B4GALT1: variants seen among roughly 807,000 people sequenced by gnomAD.
The protein encoded by B4GALT1 is N-acetyllactosamine synthase.
B4GALT1 carries 16 observed loss-of-function variants against 34.9 expected under a neutral mutation model. That is an observed-to-expected ratio of 0.46 (90% CI 0.31 to 0.70). B4GALT1 has a LOEUF of 0.70. Among genes scored for constraint, B4GALT1 ranks in the 30% least tolerant of loss-of-function variants. B4GALT1 has a pLI of 0.05. For missense variants in B4GALT1, 445 were observed against 530.5 expected (o/e 0.84, Z 1.58); for synonymous variants, 221 against 218.1 (o/e 1.01, Z -0.12).
At chr9:33,148,332 G>C (rs1840458773) in intron 1 of B4GALT1, among the ~76,000 whole-genome samples, 1 of 152,190 alleles carries the variant, frequency 6.6e-6, no homozygotes, top group African/African-American at 2.4e-5. Context: ...GCAAAAAATA[G>C]GAAGCTGGTT....
intron 1 of B4GALT1, among the ~76,000 whole-genome samples, chr9:33,151,216 T>C (rs1840512817): frequency 6.6e-6 from 1 of 152,238 alleles, no homozygotes; most frequent in Non-Finnish European, 1.5e-5. Flanking sequence ...CGGCTTCCCT[T>C]GCAGTGAATT....
intron 1 of B4GALT1, among the ~76,000 whole-genome samples, chr9:33,145,464 C>G (rs2118215385): frequency 6.6e-6 from 1 of 152,266 alleles, no homozygotes; most frequent in South Asian, 2.1e-4. Flanking sequence ...ATGCTCTCGC[C>G]AAGGGTATCA....
At chr9:33,109,679 G>A (rs894728024), downstream of B4GALT1, among the ~76,000 whole-genome samples, 1 of 152,200 alleles carries the variant, frequency 6.6e-6, no homozygotes, top group Non-Finnish European at 1.5e-5. Context: ...CCAACTACTT[G>A]TGACTGGCAT....
At chr9:33,128,851 C>G (rs960581615) in intron 2 of B4GALT1, among the ~76,000 whole-genome samples, 23 of 152,206 alleles carry the variant, frequency 1.5e-4, no homozygotes, top group African/African-American at 5.3e-4. Flanking sequence ...TGATCTTGAC[C>G]TTGTGTAGGA....
intron 1 of B4GALT1, among the ~76,000 whole-genome samples, chr9:33,138,032 T>C (rs895228790): frequency 7.2e-5 from 11 of 152,362 alleles, no homozygotes; most frequent in Admixed American, 7.2e-4. Flanking sequence ...TAACCGCGTT[T>C]TGGGGAACCC....
At chr9:33,181,423 TACAC>T in the B4GALT1 span, among the ~76,000 whole-genome samples, 203 of 137,146 alleles carry the variant, frequency 1.5e-3, no homozygotes, top group Non-Finnish European at 2.1e-3. Context: ...GACCCTGTCT[TACAC>T]ACACACACAC....
chr9:33,141,574 A>G (rs142313755), intron 1 of B4GALT1, among the ~76,000 whole-genome samples: 2 of 152,348 alleles, frequency 1.3e-5, no homozygotes, highest in East Asian at 1.9e-4. Context: ...CAAAGCCAAC[A>G]GTACTGCTAA....
At chr9:33,128,929 G>A (rs367783242) in intron 2 of B4GALT1, among the ~76,000 whole-genome samples, 1 of 152,184 alleles carries the variant, frequency 6.6e-6, no homozygotes, top group Non-Finnish European at 1.5e-5. Context: ...TGCTCACTGA[G>A]GGTACAAAGG....
chr9:33,150,483 TA>T (rs980881843), intron 1 of B4GALT1, among the ~76,000 whole-genome samples: 14 of 151,928 alleles, frequency 9.2e-5, no homozygotes, highest in African/African-American at 3.1e-4. Flanking sequence ...TACATATGTT[TA>T]AAAAAATGTA....
the B4GALT1 span, among the ~76,000 whole-genome samples, chr9:33,184,528 G>A: frequency 2.6e-5 from 4 of 152,196 alleles, no homozygotes; most frequent in African/African-American, 9.7e-5. Context: ...TACAGTCCCT[G>A]CCCTCAGAAT....
intron 1 of B4GALT1, among the ~76,000 whole-genome samples, chr9:33,143,749 A>G (rs1346885991): frequency 6.6e-6 from 1 of 152,230 alleles, no homozygotes; most frequent in Non-Finnish European, 1.5e-5. Context: ...TTTAAGAATG[A>G]GGTCAAGAAA....
At chr9:33,137,619 G>A (rs1840289577) in intron 1 of B4GALT1, among the ~76,000 whole-genome samples, 1 of 145,764 alleles carries the variant, frequency 6.9e-6, no homozygotes, top group South Asian at 2.3e-4. Context: ...GAGGAAGTTA[G>A]TACAAGTACA....
chr9:33,121,707 TG>T (rs1840023303), intron 2 of B4GALT1, among the ~76,000 whole-genome samples: 1 of 152,148 alleles, frequency 6.6e-6, no homozygotes, highest in Admixed American at 6.5e-5. Context: ...TAGGATGTTT[TG>T]TTTTTTTTAT....
the B4GALT1 span, among the ~76,000 whole-genome samples, chr9:33,175,252 A>G: frequency 1.3e-5 from 2 of 151,400 alleles, no homozygotes; most frequent in Non-Finnish European, 2.9e-5. Flanking sequence ...GTTTGAAGTT[A>G]TAGTAAGCTA....
At chr9:33,175,019 AT>A in the B4GALT1 span, among the ~76,000 whole-genome samples, 184 of 93,866 alleles carry the variant, frequency 2.0e-3, 35 homozygotes, top group Non-Finnish European at 2.8e-3. Flanking sequence ...ATATATATAT[AT>A]AAAATTGGAG....
At chr9:33,149,200 TA>T (rs57591247) in intron 1 of B4GALT1, among the ~76,000 whole-genome samples, 63,747 of 146,948 alleles carry the variant, frequency 0.43, 14,123 homozygotes, top group East Asian at 0.71. Context: ...AAAAAAAATT[TA>T]AAAAAAAAAA....
chr9:33,173,592 GT>G, the B4GALT1 span, among the ~76,000 whole-genome samples: 4 of 3,458 alleles, frequency 1.2e-3, no homozygotes, highest in Non-Finnish European at 2.9e-3. Context: ...AATAAGAATG[GT>G]GTGTGTGTGT....
At chr9:33,116,849 G>A (rs1186712860) in intron 3 of B4GALT1, among the ~76,000 whole-genome samples, 2 of 152,116 alleles carry the variant, frequency 1.3e-5, no homozygotes, top group African/African-American at 4.8e-5. Flanking sequence ...GATGGTGGGT[G>A]GGGTGGGAGG....
In B4GALT1 at chr9:33,112,341, G is replaced by A. The variant is rs2118003916; in HGVS notation, c.*1113C>T. 6.6e-6 allele frequency: 1 copy of A among 152,498 alleles called. No homozygotes were observed. The highest frequency in any genetic ancestry group is 2.4e-5 in the African/African-American group (1 of 41,586). The allele number at this position is 152,498 out of a possible 1,614,324, so 9.4% of individuals were successfully genotyped here. On this transcript the variant is annotated 3_prime_UTR_variant, in exon 6 of 6. Transcript: ENST00000379731. ...CCGCCCTGCCCACCTGGGGAGGGTT[G>A]GGGAAGTGGAGAGTTCTGCACAGTA...
Sources: gnomAD v4.1 joint callset for allele counts (sites outside exome capture counted in the v4.1 genomes callset) on GRCh38, gnomAD v4.1.1 for gene constraint, MANE v1.5 for transcripts, NCBI Gene and HGNC (gene_info 2026-07-23, HGNC 2026-07-21) for gene names.